The following CAST variants were observed in gnomAD, a reference collection of about 807,000 sequenced individuals.
CAST encodes calpastatin.
Under a neutral mutation model 119.6 loss-of-function variants are expected in CAST, and 76 were observed. The observed-to-expected ratio is 0.64, with a 90% CI of 0.53 to 0.77. The LOEUF (loss-of-function observed/expected upper bound fraction) is 0.77, where lower values mean the gene tolerates loss of function less well. Ranked by LOEUF, CAST falls within the 30% of genes least tolerant of loss-of-function variation. The probability of loss-of-function intolerance (pLI) is 0.00; values close to 1 mark genes in which losing one functional copy is unlikely to be tolerated. For synonymous variants in CAST, 319 were observed against 331.6 expected (o/e 0.96, Z 0.41); for missense variants, 953 against 946.5 (o/e 1.01, Z -0.09).
the CAST span, chr5:96,432,975 T>C: frequency 6.2e-7 from 1 of 1,613,978 alleles, no homozygotes; most frequent in Non-Finnish European, 8.5e-7. Context: ...TTTTGCACTG[T>C]TCAGTGCACA....
chr5:96,369,026 T>C, the CAST span, among the ~76,000 whole-genome samples: 1 of 152,058 alleles, frequency 6.6e-6, no homozygotes, highest in East Asian at 1.9e-4. Flanking sequence ...GATTTCTCAA[T>C]AATCGCTTCA....
chr5:96,379,554 C>T, the CAST span: 2 of 152,022 alleles, frequency 1.3e-5, no homozygotes, highest in African/African-American at 4.8e-5. Context: ...TTTACAATTA[C>T]CTGTCTTTTA....
the CAST span, among the ~76,000 whole-genome samples, chr5:96,264,915 C>A: frequency 6.6e-6 from 1 of 152,132 alleles, no homozygotes; most frequent in Non-Finnish European, 1.5e-5. Flanking sequence ...TGAATGTACT[C>A]TGATACAGTT....
At chr5:96,412,752 G>GTTTTTTTTTTTTTGTTTTTTTTT in the CAST span, among the ~76,000 whole-genome samples, 1 of 71,832 alleles carries the variant, frequency 1.4e-5, no homozygotes, top group African/African-American at 9.0e-5. Flanking sequence ...CAGCTGTGAT[G>GTTTTTTTTTTTTTGTTTTTTTTT]TTTTTTTTTT....
chr5:96,003,059 G>A, the CAST span, among the ~76,000 whole-genome samples: 1 of 151,978 alleles, frequency 6.6e-6, no homozygotes, highest in Non-Finnish European at 1.5e-5. Flanking sequence ...AATGTAGCAA[G>A]ATCCCATCTC....
chr5:96,461,128 G>T, the CAST span, among the ~76,000 whole-genome samples: 308 of 152,230 alleles, frequency 2.0e-3, 1 homozygote, highest in African/African-American at 6.6e-3. Flanking sequence ...GGCATTTTAT[G>T]TCTAGCTTCT....
the CAST span, among the ~76,000 whole-genome samples, chr5:96,290,677 G>C: frequency 6.6e-6 from 1 of 152,200 alleles, no homozygotes; most frequent in Non-Finnish European, 1.5e-5. Flanking sequence ...GAAGCGAGCT[G>C]CTTTCCTGGT....
chr5:96,116,871 CAG>C, the CAST span, among the ~76,000 whole-genome samples: 3 of 152,156 alleles, frequency 2.0e-5, no homozygotes, highest in Admixed American at 6.6e-5. Context: ...AATATTTTCT[CAG>C]AGTTTGTGGC....
chr5:96,193,722 C>T, the CAST span, among the ~76,000 whole-genome samples: 1 of 152,132 alleles, frequency 6.6e-6, no homozygotes, highest in Non-Finnish European at 1.5e-5. Flanking sequence ...TGTTGGAATT[C>T]AGGTGAAGCT....
chr5:96,629,611 A>G (rs1022483949), intron 1 of CAST, among the ~76,000 whole-genome samples: 5 of 152,338 alleles, frequency 3.3e-5, no homozygotes, highest in African/African-American at 1.2e-4. Flanking sequence ...ACATAGTGCT[A>G]AACAGGAGGG....
chr5:96,282,563 G>A, the CAST span, among the ~76,000 whole-genome samples: 1 of 150,206 alleles, frequency 6.7e-6, no homozygotes. Flanking sequence ...ATCACCAACT[G>A]GTATAGCACT....
At chr5:96,592,764 CT>C (rs763848888) in intron 1 of CAST, among the ~76,000 whole-genome samples, 51 of 146,912 alleles carry the variant, frequency 3.5e-4, no homozygotes, top group Non-Finnish European at 5.7e-4. Context: ...GTTTTATTTT[CT>C]TTTTTTTTTT....
the CAST span, chr5:95,961,674 C>T: frequency 1.2e-6 from 2 of 1,608,000 alleles, no homozygotes; most frequent in African/African-American, 2.7e-5. Context: ...CGCACGACAG[C>T]CCATAGCGCT....
At position 96,534,757 on chromosome 5, in the gene CAST, GAAAGAA is replaced by G. The variant is rs1561408946; in HGVS notation, c.60+4879_60+4884del. Among the ~76,000 whole-genome samples, 243 of 70,450 alleles carry G rather than the reference GAAAGAA, an allele frequency of 3.4e-3. 13 individuals carry two copies. Among genetic ancestry groups the G allele is most frequent in the East Asian group, 7.0e-3 (23 of 3,270 alleles). The allele number at this position is 70,450 out of a possible 152,430, so 46.2% of individuals were successfully genotyped here. A position where few individuals can be genotyped will look rare whatever the true frequency, so the allele number is the denominator to read the frequency against. ...AGAGAGAGAGAAAGAAAGAAAGAAA[GAAAGAA>G]AGAAAGAAAGAAAGAAAGAAAGAAA... On this transcript the variant is annotated intron_variant, in intron 1 of 11. Coordinates refer to the CAST transcript ENST00000505143.
chr5:96,360,280 A>C, the CAST span, among the ~76,000 whole-genome samples: 1 of 152,044 alleles, frequency 6.6e-6, no homozygotes, highest in African/African-American at 2.4e-5. Flanking sequence ...GGGTTAGAAC[A>C]TGCTCCTTTA....
At chr5:96,463,740 AC>A in the CAST span, among the ~76,000 whole-genome samples, 4,466 of 151,724 alleles carry the variant, frequency 0.029, 87 homozygotes, top group Middle Eastern at 0.044. Context: ...GATCGATTTC[AC>A]CCCCTTCCAT....
the CAST span, among the ~76,000 whole-genome samples, chr5:96,059,196 T>C: frequency 4.4e-4 from 67 of 152,050 alleles, no homozygotes; most frequent in Non-Finnish European, 8.5e-4. Context: ...CCTAGCATCA[T>C]GCAAAACATA....
the CAST span, among the ~76,000 whole-genome samples, chr5:95,976,825 T>A: frequency 1.3e-5 from 2 of 152,200 alleles, no homozygotes; most frequent in Non-Finnish European, 2.9e-5. Flanking sequence ...CCTGAATAAA[T>A]ATTTTTTAAC....
chr5:96,486,218 C>A, the CAST span, among the ~76,000 whole-genome samples: 1 of 152,126 alleles, frequency 6.6e-6, no homozygotes, highest in Non-Finnish European at 1.5e-5. Context: ...TGCACTAGAG[C>A]ACCAAAGAGA....
Sources: allele counts gnomAD v4.1 joint callset (sites outside exome capture counted in the v4.1 genomes callset), GRCh38; gene constraint gnomAD v4.1.1; transcripts MANE v1.5; gene names NCBI Gene and HGNC (gene_info 2026-07-23, HGNC 2026-07-21).